The following XKR9 variants were observed in gnomAD, a reference collection of about 807,000 sequenced individuals.
XKR9 encodes XK-related protein 9.
In XKR9, 32 loss-of-function variants were observed where a neutral mutation model predicts 32.0. The observed-to-expected ratio is 1.00, with a 90% CI of 0.76 to 1.34. The LOEUF (loss-of-function observed/expected upper bound fraction) is 1.34. XKR9 is among the 40% of genes most tolerant of loss of function. The pLI is 0.00. For missense variants in XKR9, 546 were observed against 429.7 expected (o/e 1.27, Z -2.39); for synonymous variants, 168 against 143.4 (o/e 1.17, Z -1.22).
At chr8:70,982,308 G>C in the XKR9 span, among the ~76,000 whole-genome samples, 6 of 152,170 alleles carry the variant, frequency 3.9e-5, no homozygotes, top group Non-Finnish European at 7.3e-5. Context: ...CCACCAGGTC[G>C]GGGCAGGGAT....
the XKR9 span, among the ~76,000 whole-genome samples, chr8:70,953,571 C>A: frequency 6.6e-6 from 1 of 152,196 alleles, no homozygotes; most frequent in Non-Finnish European, 1.5e-5. Flanking sequence ...CTTGGCCTCC[C>A]AAAGTGCTGG....
chr8:70,690,390 C>T (rs565711512), intron 3 of XKR9, among the ~76,000 whole-genome samples: 1 of 152,150 alleles, frequency 6.6e-6, no homozygotes, highest in Admixed American at 6.5e-5. Flanking sequence ...AGTGCAATGG[C>T]ATGATCTTGG....
At chr8:70,745,026 A>T (rs1807038745) in intron 2 of XKR9, among the ~76,000 whole-genome samples, 1 of 150,308 alleles carries the variant, frequency 6.7e-6, no homozygotes, top group South Asian at 2.1e-4. Flanking sequence ...AATTAACAAT[A>T]TATGTAATGG....
At chr8:70,891,187 T>G in the XKR9 span, among the ~76,000 whole-genome samples, 339 of 152,034 alleles carry the variant, frequency 2.2e-3, 2 homozygotes, top group African/African-American at 7.9e-3. Context: ...TGTCTTTTTT[T>G]TTGTTATTTG....
chr8:70,788,860 T>G (rs1807726241), intron 2 of XKR9, among the ~76,000 whole-genome samples: 1 of 151,930 alleles, frequency 6.6e-6, no homozygotes, highest in Non-Finnish European at 1.5e-5. Flanking sequence ...GATGTGAGAG[T>G]GTGTTGGGGC....
At chr8:71,032,289 A>T in the XKR9 span, among the ~76,000 whole-genome samples, 3 of 148,174 alleles carry the variant, frequency 2.0e-5, no homozygotes, top group Non-Finnish European at 4.5e-5. Flanking sequence ...GTCAAAAAAA[A>T]AAAAAAAAAA....
chr8:70,681,910 G>T (rs1340006208), intron 3 of XKR9, among the ~76,000 whole-genome samples: 2 of 151,786 alleles, frequency 1.3e-5, no homozygotes, highest in Middle Eastern at 3.2e-3. Context: ...TTCTACTTTT[G>T]ATTCTGTCCT....
chr8:70,933,897 G>A, the XKR9 span, among the ~76,000 whole-genome samples: 3 of 152,020 alleles, frequency 2.0e-5, no homozygotes, highest in Admixed American at 2.0e-4. Flanking sequence ...GCTGTTCTAA[G>A]CAACATACTT....
exon 3 of XKR9, chr8:70,789,395 A>G (rs1382251767): frequency 6.6e-6 from 1 of 152,116 alleles, no homozygotes; most frequent in Non-Finnish European, 1.5e-5. Context: ...TTCATCTACA[A>G]AGAGAACTTT....
At chr8:70,948,220 A>T in the XKR9 span, among the ~76,000 whole-genome samples, 10 of 152,306 alleles carry the variant, frequency 6.6e-5, no homozygotes, top group African/African-American at 2.4e-4. Flanking sequence ...AACAGGCATC[A>T]TTCGTGCCAG....
At chr8:70,884,354 A>C in the XKR9 span, among the ~76,000 whole-genome samples, 2 of 152,146 alleles carry the variant, frequency 1.3e-5, no homozygotes, top group Admixed American at 6.5e-5. Context: ...TGTCTTTTGT[A>C]GAGCAGAAGT....
intron 3 of XKR9, among the ~76,000 whole-genome samples, chr8:70,703,475 CA>C (rs1805609398): frequency 1.3e-5 from 2 of 152,118 alleles, no homozygotes; most frequent in Non-Finnish European, 2.9e-5. Context: ...GGTGTTCTTA[CA>C]TGGTGGATGG....
intron 4 of XKR9, among the ~76,000 whole-genome samples, chr8:70,716,404 T>G (rs547759722): frequency 6.6e-6 from 1 of 151,442 alleles, no homozygotes; most frequent in East Asian, 1.9e-4. Context: ...AAAATAGGTT[T>G]AATTGACTCA....
At chr8:70,741,339 T>C (rs555418610) in intron 2 of XKR9, among the ~76,000 whole-genome samples, 4 of 152,354 alleles carry the variant, frequency 2.6e-5, no homozygotes, top group East Asian at 1.9e-4. Context: ...CATGTTATGA[T>C]AGAGCAAAGA....
the XKR9 span, among the ~76,000 whole-genome samples, chr8:70,878,625 C>T: frequency 6.6e-6 from 1 of 152,252 alleles, no homozygotes; most frequent in East Asian, 1.9e-4. Context: ...TATATATGCA[C>T]CCAATACAGG....
the XKR9 span, among the ~76,000 whole-genome samples, chr8:70,950,831 G>A: frequency 5.3e-5 from 8 of 151,988 alleles, no homozygotes; most frequent in Admixed American, 5.2e-4. Flanking sequence ...CCACCACCAT[G>A]CCCAGCTAAT....
the XKR9 span, among the ~76,000 whole-genome samples, chr8:71,009,372 G>A: frequency 1.3e-5 from 2 of 149,556 alleles, no homozygotes; most frequent in Admixed American, 1.3e-4. Context: ...ATTAGTATTA[G>A]TGTATTTTAT....
At chr8:70,922,330 G>A in the XKR9 span, among the ~76,000 whole-genome samples, 11,205 of 152,254 alleles carry the variant, frequency 0.074, 483 homozygotes, top group Non-Finnish European at 0.089. Flanking sequence ...ACCACTTTGT[G>A]TATGTACCAT....
chr8:70,869,304 G>A, the XKR9 span, among the ~76,000 whole-genome samples: 1 of 152,168 alleles, frequency 6.6e-6, no homozygotes, highest in African/African-American at 2.4e-5. Flanking sequence ...AATTGATACA[G>A]GAAAAAGGGT....
Sources: allele counts gnomAD v4.1 joint callset (sites outside exome capture counted in the v4.1 genomes callset), GRCh38; gene constraint gnomAD v4.1.1; transcripts MANE v1.5; gene names NCBI Gene and HGNC (gene_info 2026-07-23, HGNC 2026-07-21).